PCDH15: variants seen among roughly 807,000 people sequenced by gnomAD.
PCDH15 encodes protocadherin-15.
A neutral mutation model predicts 178.5 loss-of-function variants in PCDH15; 129 were observed. The ratio of observed to expected loss-of-function variants is 0.72; its 90% CI spans 0.63 to 0.84. The LOEUF is 0.84. PCDH15 is among the 40% of genes least tolerant of loss of function. The pLI, the probability that PCDH15 is intolerant of heterozygous loss-of-function variation, is 0.00. For missense variants in PCDH15, 2,230 were observed against 2,099.9 expected, an observed-to-expected ratio of 1.06 and a Z score of -1.21; for synonymous variants, 800 against 732.0, an observed-to-expected ratio of 1.09 and a Z score of -1.50.
chr10:54,118,596 C>T (rs1288469421), intron 15 of PCDH15, among the ~76,000 whole-genome samples: 1 of 151,934 alleles, frequency 6.6e-6, no homozygotes, highest in Non-Finnish European at 1.5e-5. Flanking sequence ...GGAGGCAGAA[C>T]TGGCAGTGAG....
intron 25 of PCDH15, among the ~76,000 whole-genome samples, chr10:53,936,030 C>T (rs890707057): frequency 6.6e-6 from 1 of 152,040 alleles, no homozygotes; most frequent in Non-Finnish European, 1.5e-5. Context: ...ATGATCAAGC[C>T]TCCAGATCTA....
At chr10:54,697,625 A>AGG (rs1555156335) in intron 1 of PCDH15, among the ~76,000 whole-genome samples, 3 of 12,520 alleles carry the variant, frequency 2.4e-4, no homozygotes, top group South Asian at 3.7e-3. Context: ...GAGAGAGAGA[A>AGG]AAGGAAGGAA....
chr10:54,172,087 C>T (rs533994248), intron 13 of PCDH15, among the ~76,000 whole-genome samples: 96 of 152,216 alleles, frequency 6.3e-4, no homozygotes, highest in Middle Eastern at 3.4e-3. Flanking sequence ...GCCAAGCCAT[C>T]GCATCCCCTG....
intron 2 of PCDH15, among the ~76,000 whole-genome samples, chr10:55,367,846 C>A (rs1161634892): frequency 6.6e-6 from 1 of 151,976 alleles, no homozygotes; most frequent in Non-Finnish European, 1.5e-5. Context: ...AGTTTTCCTA[C>A]CTAGGAACCC....
intron 2 of PCDH15, among the ~76,000 whole-genome samples, chr10:55,590,030 AC>A (rs1842809077): frequency 6.8e-6 from 1 of 147,814 alleles, no homozygotes. Flanking sequence ...TTATTGTGGC[AC>A]TATTCACAAT....
chr10:54,218,081 G>T (rs1235319447), intron 9 of PCDH15, among the ~76,000 whole-genome samples: 3 of 152,104 alleles, frequency 2.0e-5, no homozygotes, highest in African/African-American at 4.8e-5. Flanking sequence ...GAAATATTTT[G>T]TAAATTAGAA....
At chr10:54,250,369 G>C (rs2056377814) in intron 8 of PCDH15, among the ~76,000 whole-genome samples, 1 of 139,640 alleles carries the variant, frequency 7.2e-6, no homozygotes, top group Non-Finnish European at 1.5e-5. Context: ...TGCAAGCTCT[G>C]CCTCCCGGGT....
intron 1 of PCDH15, among the ~76,000 whole-genome samples, chr10:55,317,509 C>T (rs1843755643): frequency 1.3e-5 from 2 of 151,026 alleles, no homozygotes; most frequent in African/African-American, 2.4e-5. Flanking sequence ...CTTAAGATTT[C>T]TTATCAATAG....
intron 2 of PCDH15, among the ~76,000 whole-genome samples, chr10:55,335,762 T>C (rs909160215): frequency 6.6e-6 from 1 of 152,098 alleles, no homozygotes; most frequent in Non-Finnish European, 1.5e-5. Flanking sequence ...AGTTAGAAGA[T>C]GGGTTGTGCT....
At chr10:54,073,076 A>T (rs1316744066) in intron 17 of PCDH15, among the ~76,000 whole-genome samples, 2 of 151,758 alleles carry the variant, frequency 1.3e-5, no homozygotes, top group Non-Finnish European at 2.9e-5. Context: ...AAAATAAAGA[A>T]GCTTTTTTTT....
chr10:55,141,020 C>T (rs1272903744), intron 2 of PCDH15, among the ~76,000 whole-genome samples: 1 of 151,696 alleles, frequency 6.6e-6, no homozygotes, highest in African/African-American at 2.4e-5. Context: ...TTTATTTTTC[C>T]TTTTTTAAAT....
intron 2 of PCDH15, among the ~76,000 whole-genome samples, chr10:55,433,138 C>A (rs1186419400): frequency 1.3e-5 from 2 of 152,068 alleles, no homozygotes; most frequent in Non-Finnish European, 2.9e-5. Flanking sequence ...ACCATAAAGA[C>A]ACATGCATAC....
chr10:55,302,086 G>A (rs1211972364), intron 1 of PCDH15, among the ~76,000 whole-genome samples: 1 of 151,932 alleles, frequency 6.6e-6, no homozygotes, highest in Admixed American at 6.6e-5. Flanking sequence ...CCATATACAT[G>A]TTAGAATATT....
At chr10:55,294,825 G>A (rs1430098151) in intron 1 of PCDH15, among the ~76,000 whole-genome samples, 1 of 152,124 alleles carries the variant, frequency 6.6e-6, no homozygotes, top group Non-Finnish European at 1.5e-5. Context: ...TTCTGCATTT[G>A]AGTAATTTCC....
chr10:54,384,507 G>T (rs1949686319), intron 3 of PCDH15, among the ~76,000 whole-genome samples: 1 of 151,970 alleles, frequency 6.6e-6, no homozygotes, highest in Non-Finnish European at 1.5e-5. Flanking sequence ...TTGTAAGTGT[G>T]ATTTATTAGA....
intron 2 of PCDH15, among the ~76,000 whole-genome samples, chr10:55,166,214 G>A (rs970549242): frequency 6.6e-6 from 1 of 152,052 alleles, no homozygotes; most frequent in Non-Finnish European, 1.5e-5. Flanking sequence ...CACAATGATG[G>A]ATGCAATGTG....
intron 2 of PCDH15, among the ~76,000 whole-genome samples, chr10:55,570,412 T>C (rs1479264669): frequency 4.6e-5 from 7 of 151,938 alleles, no homozygotes; most frequent in Non-Finnish European, 8.8e-5. Context: ...TAAGTATTAA[T>C]AGAAATAATT....
chr10:54,267,201 G>C (rs2384434), intron 8 of PCDH15, among the ~76,000 whole-genome samples: 106,273 of 151,200 alleles, frequency 0.7, 38,218 homozygotes, highest in Middle Eastern at 0.77. Context: ...CAACAGATAC[G>C]TTAAAGTATT....
intron 3 of PCDH15, among the ~76,000 whole-genome samples, chr10:54,524,292 A>G (rs879890969): frequency 6.6e-6 from 1 of 152,132 alleles, no homozygotes; most frequent in Non-Finnish European, 1.5e-5. Flanking sequence ...GGGTTTTCTA[A>G]TCTCTCACGT....
Sources: gnomAD v4.1 joint callset for allele counts (sites outside exome capture counted in the v4.1 genomes callset) on GRCh38, gnomAD v4.1.1 for gene constraint, MANE v1.5 for transcripts, NCBI Gene and HGNC (gene_info 2026-07-23, HGNC 2026-07-21) for gene names.